TIMMDC1: variants seen among roughly 807,000 people sequenced by gnomAD.
The protein encoded by TIMMDC1 is complex I assembly factor TIMMDC1, mitochondrial.
A neutral mutation model predicts 32.6 loss-of-function variants in TIMMDC1; 25 were observed. The ratio of observed to expected loss-of-function variants is 0.77; its 90% CI spans 0.56 to 1.07. The LOEUF (loss-of-function observed/expected upper bound fraction) is 1.07, where lower values mean the gene tolerates loss of function less well. Ranked by LOEUF, TIMMDC1 falls within the 50% of genes least tolerant of loss-of-function variation. The pLI, the probability that TIMMDC1 is intolerant of heterozygous loss-of-function variation, is 0.00. For missense variants in TIMMDC1, 329 were observed against 349.2 expected (o/e 0.94, Z 0.46); for synonymous variants, 130 against 127.6 (o/e 1.02, Z -0.13).
chr3:119,515,367 C>A (rs2081979227), intron 5 of TIMMDC1, among the ~76,000 whole-genome samples: 1 of 152,160 alleles, frequency 6.6e-6, no homozygotes, highest in Admixed American at 6.6e-5. Flanking sequence ...GTGTTTAAAC[C>A]AGCTACAGCA....
Position 119,503,721 on chromosome 3 carries a change from A to G in TIMMDC1, c.449+101A>G, listed in dbSNP as rs1430794126. The G allele has an allele frequency of 1.2e-5, 11 of 946,008 alleles. No individual in the cohort carries two copies. In the East Asian group the frequency reaches 1.3e-4, roughly 12 times the overall value. The allele number at this position is 946,008 out of a possible 1,614,324, so 58.6% of individuals were successfully genotyped here. ...GTTATGAAAACTGAATACCCACATGAAAGTGATTAATAATGCCTTTTTTTT... is the reference window on the plus strand; with the variant it reads ...GTTATGAAAACTGAATACCCACATGGAAGTGATTAATAATGCCTTTTTTTT... On this transcript the variant is annotated intron_variant, in intron 3 of 6. Transcript: ENST00000494664.
chr3:119,499,136 C>A (rs1160351188), intron 1 of TIMMDC1, among the ~76,000 whole-genome samples: 1 of 148,626 alleles, frequency 6.7e-6, no homozygotes, highest in Non-Finnish European at 1.5e-5. Flanking sequence ...CTCTGTCGCC[C>A]AGGCTGGAGT....
At chr3:119,523,509 C>T (rs992168811) in intron 6 of TIMMDC1, 97 bp from the exon 7 acceptor site, 4 of 1,272,604 alleles carry the variant, frequency 3.1e-6, no homozygotes, top group Admixed American at 5.2e-5. Context: ...TATACCAAAG[C>T]AGGGAGGAAA....
intron 4 of TIMMDC1, among the ~76,000 whole-genome samples, chr3:119,504,986 G>A (rs1396704683): frequency 6.6e-6 from 1 of 151,436 alleles, no homozygotes; most frequent in Non-Finnish European, 1.5e-5. Flanking sequence ...GCTGAGGCAG[G>A]AGAATCACTT....
intron 5 of TIMMDC1, 149 bp downstream of exon 5, chr3:119,513,868 TC>T: frequency 1.8e-6 from 1 of 543,244 alleles, no homozygotes; most frequent in Non-Finnish European, 3.3e-6. Context: ...GCTTTGACTG[TC>T]CATTCTAATT....
chr3:119,510,783 C>A (rs2081947511), intron 4 of TIMMDC1, among the ~76,000 whole-genome samples: 1 of 152,088 alleles, frequency 6.6e-6, no homozygotes. Context: ...TAAAAAAATC[C>A]ATAAAAGATT....
chr3:119,509,223 A>G (rs2081937772), intron 4 of TIMMDC1, among the ~76,000 whole-genome samples: 1 of 152,142 alleles, frequency 6.6e-6, no homozygotes. Flanking sequence ...AAAGTTAAGT[A>G]TAATTTACTG....
intron 4 of TIMMDC1, among the ~76,000 whole-genome samples, chr3:119,510,387 A>G (rs2081945372): frequency 2.6e-5 from 4 of 152,234 alleles, no homozygotes; most frequent in Admixed American, 2.0e-4. Flanking sequence ...TACTTCATTT[A>G]TAAATTGAAA....
chr3:119,505,291 A>G (rs746188093), intron 4 of TIMMDC1, among the ~76,000 whole-genome samples: 9 of 152,208 alleles, frequency 5.9e-5, no homozygotes, highest in Non-Finnish European at 8.8e-5. Flanking sequence ...GTTAACTGCT[A>G]TATACACTCA....
chr3:119,522,987 A>G (rs1314810630), intron 6 of TIMMDC1, among the ~76,000 whole-genome samples: 1 of 152,254 alleles, frequency 6.6e-6, no homozygotes, highest in East Asian at 1.9e-4. Flanking sequence ...ATAGAGATAT[A>G]GAAGAACAAA....
intron 4 of TIMMDC1, among the ~76,000 whole-genome samples, chr3:119,511,349 C>T (rs1328705628): frequency 6.6e-6 from 1 of 151,848 alleles, no homozygotes; most frequent in Non-Finnish European, 1.5e-5. Context: ...GTGGCATGCA[C>T]CTGTAGTCCC....
chr3:119,511,131 G>A lies in TIMMDC1; in HGVS notation c.518-2510G>A, dbSNP rs576556382. Among the ~76,000 whole-genome samples, 10 of 152,100 alleles carry A rather than the reference G, an allele frequency of 6.6e-5. No homozygotes were observed. In the South Asian group the frequency reaches 1.7e-3, roughly 25 times the overall value. ...TCTAGGCTAGACAGTTTATCTGCGAGTTTTTTCAAATTATTGCACATTTCC... is the reference window on the plus strand; with the variant it reads ...TCTAGGCTAGACAGTTTATCTGCGAATTTTTTCAAATTATTGCACATTTCC... On this transcript the variant is annotated intron_variant, in intron 4 of 6. Transcript: ENST00000494664.
At chr3:119,500,096 C>CT (rs1257522124) in intron 1 of TIMMDC1, among the ~76,000 whole-genome samples, 1 of 152,132 alleles carries the variant, frequency 6.6e-6, no homozygotes, top group Non-Finnish European at 1.5e-5. Flanking sequence ...ACAGTCCTAT[C>CT]TGAGTATTTC....
At chr3:119,506,518 C>CA (rs202052248) in intron 4 of TIMMDC1, among the ~76,000 whole-genome samples, 1,365 of 112,714 alleles carry the variant, frequency 0.012, 4 homozygotes, top group Middle Eastern at 0.032. Context: ...GACCCTGTCT[C>CA]AAAAAAAAAA....
chr3:119,500,895 A>G (rs147159149), intron 2 of TIMMDC1, 35 bp downstream of exon 2: 4 of 1,595,056 alleles, frequency 2.5e-6, no homozygotes, highest in Admixed American at 1.7e-5. Context: ...TTTGGGGCAC[A>G]CTGACTTAGT....
chr3:119,499,415 T>C (rs958160380), intron 1 of TIMMDC1, among the ~76,000 whole-genome samples: 1 of 135,664 alleles, frequency 7.4e-6, no homozygotes, highest in African/African-American at 2.7e-5. Context: ...CGTATTTTTC[T>C]TTCTTTTTTT....
chr3:119,515,580 AG>A (rs1345332991), intron 5 of TIMMDC1, among the ~76,000 whole-genome samples: 4 of 152,218 alleles, frequency 2.6e-5, no homozygotes, highest in Non-Finnish European at 4.4e-5. Flanking sequence ...TTCACAGTTG[AG>A]GGATTAGGCA....
chr3:119,521,565 T>C (rs1003565696), intron 6 of TIMMDC1, among the ~76,000 whole-genome samples: 1 of 151,868 alleles, frequency 6.6e-6, no homozygotes, highest in Non-Finnish European at 1.5e-5. Flanking sequence ...CAGTAGTGCA[T>C]GCCTATAGCC....
chr3:119,519,047 A>C (rs1201606175), intron 6 of TIMMDC1, among the ~76,000 whole-genome samples: 2 of 152,250 alleles, frequency 1.3e-5, no homozygotes, highest in Non-Finnish European at 2.9e-5. Context: ...AAGAACTCCT[A>C]CATCTGAATG....
Sources: allele counts gnomAD v4.1 joint callset (sites outside exome capture counted in the v4.1 genomes callset), GRCh38; gene constraint gnomAD v4.1.1; transcripts MANE v1.5; gene names NCBI Gene and HGNC (gene_info 2026-07-23, HGNC 2026-07-21).